Variants in CFAP46 observed in about 807,000 individuals in gnomAD.
CFAP46 encodes cilia- and flagella-associated protein 46.
Under a neutral mutation model 325.7 loss-of-function variants are expected in CFAP46, and 245 were observed. That is an observed-to-expected ratio of 0.75 (90% CI 0.68 to 0.84). CFAP46 has a LOEUF of 0.84. CFAP46 is among the 40% of genes least tolerant of loss of function. The pLI, the probability that CFAP46 is intolerant of heterozygous loss-of-function variation, is 0.00. For missense variants in CFAP46, 3,346 were observed against 3,543.0 expected, an observed-to-expected ratio of 0.94 and a Z score of 1.41; for synonymous variants, 1,523 against 1,495.9, an observed-to-expected ratio of 1.02 and a Z score of -0.42.
At chr10:132,814,980 G>T (rs1847665531) in intron 50 of CFAP46, 66 bp from the exon 51 acceptor site, 1 of 1,405,084 alleles carries the variant, frequency 7.1e-7, no homozygotes, top group Non-Finnish European at 1.0e-6. Flanking sequence ...CGGCCACACG[G>T]TCGGTTAATT....
chr10:132,833,330 C>T (rs1057219412), intron 50 of CFAP46, 28 bp downstream of exon 50: 2 of 1,586,844 alleles, frequency 1.3e-6, no homozygotes, highest in African/African-American at 2.7e-5. Context: ...TAAAATTACA[C>T]ATTAAGGTGG....
rs751255465 is a variant in CFAP46, at chr10:132,941,058, C to T, written c.309G>A (p.Glu103=). The part of the protein sequence containing the change: ...MCAPKSAENL[E]EFENCVTEYM... ...ACTCAGTCACGCAATTTTCAAATTC[C>T]TCCTAAGGCAACATAAAGAAGCACA... The change falls in exon 4 of 58, where the codon GAG becomes GAA. Residue 103 remains glutamate, a splice_region_variant and synonymous_variant. Transcript: ENST00000368586. The T allele has an allele frequency of 5.6e-6, 9 of 1,614,118 alleles. No homozygotes were observed. The highest frequency in any genetic ancestry group is 2.2e-5 in the East Asian group (1 of 44,888).
intron 38 of CFAP46, among the ~76,000 whole-genome samples, chr10:132,858,488 G>A (rs1848679628): frequency 6.6e-6 from 1 of 152,010 alleles, no homozygotes; most frequent in South Asian, 2.1e-4. Context: ...GGCCAGGGAG[G>A]CTTTGCCAGG....
chr10:132,932,592 A>G (rs72861483), intron 8 of CFAP46, among the ~76,000 whole-genome samples: 3,795 of 122,636 alleles, frequency 0.031, 73 homozygotes, highest in African/African-American at 0.055. Flanking sequence ...TAGATCCTGC[A>G]GCTTCCTCCT....
chr10:132,931,917 T>G (rs1354967036), intron 8 of CFAP46, among the ~76,000 whole-genome samples: 7 of 123,232 alleles, frequency 5.7e-5, no homozygotes, highest in African/African-American at 2.2e-4. Context: ...GCTTTCCTCC[T>G]CCCCACGCAG....
intron 31 of CFAP46, among the ~76,000 whole-genome samples, chr10:132,874,382 A>C (rs12768787): frequency 0.23 from 26,512 of 113,138 alleles, 2,714 homozygotes; most frequent in Admixed American, 0.38. Context: ...GAAAAATATA[A>C]AAGCATTCAT....
In CFAP46 at chr10:132,867,448, C is replaced by T; in HGVS notation, c.4670G>A (p.Ser1557Asn). Reference protein sequence around the residue: ...EKNKEPLLEESLPALNEQTLP... With the variant: ...EKNKEPLLEENLPALNEQTLP... ...TGTCTGCTCATTCAGTGCTGGCAGGCTTTCTTCTAATAAAGGCTCCTTATT... is the reference window on the plus strand; with the variant it reads ...TGTCTGCTCATTCAGTGCTGGCAGGTTTTCTTCTAATAAAGGCTCCTTATT... Residue 1557 changes from serine to asparagine, a missense_variant, in exon 34 of 58, where the codon AGC (serine) becomes AAC (asparagine). Ser to Asn is a conservative substitution (Grantham distance 46, BLOSUM62 1). Transcript: ENST00000368586. 6.4e-7 allele frequency: 1 copy of T among 1,550,556 alleles called. No individual in the cohort carries two copies. The highest frequency in any genetic ancestry group is 8.7e-7 in the Non-Finnish European group (1 of 1,146,990).
At chr10:132,821,167 G>T (rs1412139708) in intron 50 of CFAP46, among the ~76,000 whole-genome samples, 2 of 141,632 alleles carry the variant, frequency 1.4e-5, no homozygotes, top group Non-Finnish European at 3.0e-5. Flanking sequence ...TGTGCTGTCT[G>T]TGCGCTGATG....
In CFAP46 at chr10:132,897,606, A is replaced by G. The variant is rs147551577; in HGVS notation, c.3219+1353T>C. 4.0e-3 allele frequency among the ~76,000 whole-genome samples: 617 copies of G among 152,350 alleles called. 5 individuals are homozygous for G. The highest frequency in any genetic ancestry group is 0.013 in the African/African-American group (532 of 41,590). Reference sequence around the variant, plus strand: ...GGGAGGCTAAGCCCTGGGGCCAGGAAGCTGCATCTGGCCCACAGGATGGCC... The same window carrying G: ...GGGAGGCTAAGCCCTGGGGCCAGGAGGCTGCATCTGGCCCACAGGATGGCC... On this transcript the variant is annotated intron_variant, in intron 24 of 57. Coordinates refer to ENST00000368586, the MANE Select transcript of CFAP46 (RefSeq NM_001200049.3).
chr10:132,912,999 A>C, intron 18 of CFAP46, 47 bp downstream of exon 18: 1 of 1,537,624 alleles, frequency 6.5e-7, no homozygotes, highest in Non-Finnish European at 8.8e-7. Context: ...GGGTCTCCCA[A>C]GGGAAGAAGC....
intron 50 of CFAP46, among the ~76,000 whole-genome samples, chr10:132,823,464 CTG>C (rs1266965484): frequency 1.6e-5 from 2 of 122,168 alleles, no homozygotes; most frequent in African/African-American, 3.3e-5. Context: ...GTTGTGTGTG[CTG>C]TGTGAGTGCT....
Position 132,867,363 on chromosome 10 carries a change from C to A in CFAP46, c.4743+12G>T, listed in dbSNP as rs748872474. On this transcript the variant is annotated intron_variant, in intron 34 of 57. Transcript: ENST00000368586. Reference sequence around the variant, plus strand: ...GGCTGCGGGTCAGAGGGATTCTGGACGGTGAGGTTACCTTGTCCTTGGCGT... The same window carrying A: ...GGCTGCGGGTCAGAGGGATTCTGGAAGGTGAGGTTACCTTGTCCTTGGCGT... 1.3e-6 allele frequency: 2 copies of A among 1,547,064 alleles called. No individual in the cohort carries two copies. Among genetic ancestry groups the A allele is most frequent in the East Asian group, 4.9e-5 (2 of 40,912 alleles).
At position 132,833,404 on chromosome 10, in the gene CFAP46, T is replaced by C. The variant is rs765268850; in HGVS notation, c.7071A>G (p.Glu2357=). ...DEGTISSVSR[E]FSLQMLWNRL... ...GATTCCACAGCATTTGAAGAGAAAA[T>C]TCTCGTGACACAGAGGAAATTGTCC... The change falls in exon 50 of 58, where the codon GAA becomes GAG. Residue 2357 remains glutamate, a synonymous_variant. Transcript: ENST00000368586. 6.2e-7 allele frequency: 1 copy of C among 1,614,132 alleles called. No individual in the cohort carries two copies. Among genetic ancestry groups the C allele is most frequent in the Admixed American group, 1.7e-5 (1 of 60,028 alleles).
intron 50 of CFAP46, among the ~76,000 whole-genome samples, chr10:132,815,455 G>T (rs1197903835): frequency 1.3e-5 from 2 of 152,212 alleles, no homozygotes; most frequent in African/African-American, 4.8e-5. Context: ...TGCTTCTGAG[G>T]GATCCTCATT....
intron 16 of CFAP46, among the ~76,000 whole-genome samples, chr10:132,917,964 A>G: frequency 5.0e-5 from 1 of 20,056 alleles, no homozygotes; most frequent in East Asian, 1.6e-3. Flanking sequence ...CCCCCTCTCC[A>G]CGACGCACCT....
intron 19 of CFAP46, among the ~76,000 whole-genome samples, chr10:132,911,127 G>C (rs1027296752): frequency 6.6e-6 from 1 of 152,186 alleles, no homozygotes; most frequent in Non-Finnish European, 1.5e-5. Flanking sequence ...AGCCGCCCAC[G>C]GCGCCCTCCC....
At chr10:132,812,242 A>G (rs929263631) in intron 55 of CFAP46, among the ~76,000 whole-genome samples, 4 of 152,192 alleles carry the variant, frequency 2.6e-5, no homozygotes, top group South Asian at 2.1e-4. Context: ...CCACGCCCCC[A>G]GCCTGCCCTG....
At chr10:132,862,225 G>C (rs1357191130) in intron 35 of CFAP46, among the ~76,000 whole-genome samples, 1 of 152,206 alleles carries the variant, frequency 6.6e-6, no homozygotes, top group Non-Finnish European at 1.5e-5. Context: ...GAGGGAAGAG[G>C]GGGAGGCCCT....
In CFAP46 at chr10:132,887,465, TTC is replaced by T. The variant is rs796420475; in HGVS notation, c.3305-1508_3305-1507del. ...CCCCTCTTCTCTCTCCTCTCCCCTCTTCTCTCTCTCCTCTCCTCTCTCCCCTC... is the reference window on the plus strand; with the variant it reads ...CCCCTCTTCTCTCTCCTCTCCCCTCTTCTCTCTCCTCTCCTCTCTCCCCTC... On this transcript the variant is annotated intron_variant, in intron 25 of 57. Transcript: ENST00000368586. Among the ~76,000 whole-genome samples, 22 of 112,728 alleles carry T rather than the reference TTC, an allele frequency of 2.0e-4. 1 individual carries two copies. In the South Asian group the frequency reaches 4.8e-3, roughly 24 times the overall value. 74.0% of individuals were successfully genotyped at this position (112,728 alleles called of 152,430 possible).
Sources: gnomAD v4.1 joint callset for allele counts (sites outside exome capture counted in the v4.1 genomes callset) on GRCh38, gnomAD v4.1.1 for gene constraint, MANE v1.5 for transcripts, NCBI Gene and HGNC (gene_info 2026-07-23, HGNC 2026-07-21) for gene names.